The following RNF213 variants were observed in gnomAD, a reference collection of about 807,000 sequenced individuals.
RNF213 encodes ring finger protein 213, also known as E3 ubiquitin-protein ligase RNF213.
Under a neutral mutation model 514.4 loss-of-function variants are expected in RNF213, and 341 were observed. The ratio of observed to expected loss-of-function variants is 0.66; its 90% CI spans 0.61 to 0.73. RNF213 has a LOEUF of 0.73. Ranked by LOEUF, RNF213 falls within the 30% of genes least tolerant of loss-of-function variation. RNF213 has a pLI of 0.00. For synonymous variants in RNF213, 2,655 were observed against 2,658.2 expected, an observed-to-expected ratio of 1.00 and a Z score of 0.04; for missense variants, 5,767 against 6,615.6, an observed-to-expected ratio of 0.87 and a Z score of 4.45.
chr17:80,281,368 A>AAC (rs781083040), intron 3 of RNF213, among the ~76,000 whole-genome samples: 2 of 77,998 alleles, frequency 2.6e-5, no homozygotes, highest in Non-Finnish European at 5.0e-5. Flanking sequence ...CACACACCTC[A>AAC]ACACACACAC....
intron 9 of RNF213, 71 bp downstream of exon 9, chr17:80,295,074 A>T: frequency 6.3e-7 from 1 of 1,579,400 alleles, no homozygotes. Context: ...TGGCCGGATG[A>T]CCCCTTGACT....
At position 80,332,294 on chromosome 17, in the gene RNF213, T is replaced by G. The variant is rs1216234770; in HGVS notation, c.3806T>G (p.Leu1269Arg). Residue 1269 changes from leucine (L) to arginine (R), a missense_variant, in exon 21 of 68, where the codon CTT becomes CGT. Coordinates refer to ENST00000582970, the MANE Select transcript of RNF213 (RefSeq NM_001256071.3). ...GAAGAAGAATCAGAAAGGCACATCCTTGAGCTTGAAGAGGTGTATGACTAT... is the reference window on the plus strand; with the variant it reads ...GAAGAAGAATCAGAAAGGCACATCCGTGAGCTTGAAGAGGTGTATGACTAT... The part of the protein sequence containing the change: ...EPEEESERHI[L>R]ELEEVYDYLY... 12 of 1,537,096 alleles carry G rather than the reference T, an allele frequency of 7.8e-6. No individual in the cohort carries two copies. Among genetic ancestry groups the G allele is most frequent in the Non-Finnish European group, 1.0e-5 (12 of 1,146,924 alleles).
chr17:80,314,297 G>A (rs2045747624), intron 15 of RNF213, among the ~76,000 whole-genome samples: 2 of 92,388 alleles, frequency 2.2e-5, no homozygotes, highest in African/African-American at 5.2e-5. Context: ...AGGTGATGGT[G>A]GTGGACGTGA....
chr17:80,365,720 C>G lies in RNF213; in HGVS notation c.11871+1167C>G, dbSNP rs148136053. Among the ~76,000 whole-genome samples the G allele has an allele frequency of 5.3e-4, 80 of 152,322 alleles. 1 individual carries two copies. Among genetic ancestry groups the G allele is most frequent in the Middle Eastern group, 3.4e-3 (1 of 294 alleles). ...AAGGCGGAGAGAGGATAGTAGGACA[C>G]AGCCGGTGCCCCCCTTCCACCCTTT... On this transcript the variant is annotated intron_variant, in intron 42 of 67. Coordinates refer to ENST00000582970, the MANE Select transcript of RNF213 (RefSeq NM_001256071.3).
rs1386760507 is a variant in RNF213 at position 80,345,891 on chromosome 17, A to G, written c.7556A>G (p.His2519Arg). 1.2e-6 allele frequency: 2 copies of G among 1,614,204 alleles called. No homozygotes were observed. ...GQPLAEDSGL[H>R]IIAACNPYRK... ...CCTCTGGCTGAGGACTCTGGCCTGC[A>G]TATTATAGCTGCCTGCAATCCATAC... The change falls in exon 29 of 68, where the codon CAT becomes CGT. Residue 2519 changes from histidine (H) to arginine (R), a missense_variant. Physicochemically the swap from His to Arg is conservative, Grantham distance 29. Coordinates refer to ENST00000582970, the MANE Select transcript of RNF213 (RefSeq NM_001256071.3). The surrounding 1 kb of genome is among the most constrained non-coding windows in gnomAD (Gnocchi z 6.0).
Position 80,266,608 on chromosome 17 carries a change from GTTCC to G in RNF213, c.97+2832_97+2835del, listed in dbSNP as rs1312680132. ...CCTTTACCTCCCAGGTTCAAGTGATGTTCCTGCCTCAGCCTCCCAAGTAGCGGGG... is the reference window on the plus strand; with the variant it reads ...CCTTTACCTCCCAGGTTCAAGTGATGTGCCTCAGCCTCCCAAGTAGCGGGG... On this transcript the variant is annotated intron_variant, in intron 2 of 67. Transcript: ENST00000582970. Among the ~76,000 whole-genome samples, 5 of 152,048 alleles carry G rather than the reference GTTCC, an allele frequency of 3.3e-5. No homozygotes were observed. The East Asian group carries it at 9.8e-4, about 30-fold the overall frequency.
intron 6 of RNF213, 123 bp downstream of exon 6, chr17:80,289,960 A>C: frequency 9.1e-7 from 1 of 1,101,358 alleles, no homozygotes; most frequent in Non-Finnish European, 1.3e-6. Flanking sequence ...GGCAAGTTTA[A>C]CTTTGGGGGA....
At chr17:80,393,122 G>C (rs747471717) in intron 67 of RNF213, among the ~76,000 whole-genome samples, 2 of 151,516 alleles carry the variant, frequency 1.3e-5, no homozygotes, top group Non-Finnish European at 2.9e-5. Context: ...CGGACTATAG[G>C]CATACACCAC....
rs2144558163 is a variant in RNF213, at chr17:80,376,650, CTCAGTTCTCTGCCTTTGTG to C, written c.13428+111_13428+129del. On this transcript the variant is annotated intron_variant, in intron 52 of 67. Coordinates refer to ENST00000582970, the MANE Select transcript of RNF213 (RefSeq NM_001256071.3). ...GGGAACTCTTGAGCATCTTTATCTC[CTCAGTTCTCTGCCTTTGTG>C]TCACCTGATTCTTGAGCACACAAGA... 3 of 1,472,888 alleles carry C rather than the reference CTCAGTTCTCTGCCTTTGTG, an allele frequency of 2.0e-6. No homozygotes were observed. The East Asian group carries it at 7.1e-5, about 35-fold the overall frequency. 91.2% of individuals were successfully genotyped at this position (1,472,888 alleles called of 1,614,324 possible). A position where few individuals can be genotyped will look rare whatever the true frequency, so the allele number is the denominator to read the frequency against.
At chr17:80,319,163 G>A (rs746195087) in intron 16 of RNF213, 27 bp from the exon 17 acceptor site, 1 of 1,614,106 alleles carries the variant, frequency 6.2e-7, no homozygotes, top group South Asian at 1.1e-5. Context: ...CGAAAGCTCT[G>A]AAACCACCCC....
chr17:80,377,237 A>C lies in RNF213; in HGVS notation c.13510+274A>C. 3 of 488,850 alleles carry C rather than the reference A, an allele frequency of 6.1e-6. No homozygotes were observed. The highest frequency in any genetic ancestry group is 1.1e-5 in the Non-Finnish European group (3 of 267,538). 30.3% of individuals were successfully genotyped at this position (488,850 alleles called of 1,614,324 possible). On this transcript the variant is annotated intron_variant, in intron 53 of 67. Transcript: ENST00000582970. The surrounding 1 kb of genome is among the most constrained non-coding windows in gnomAD (Gnocchi z 4.1). Reference sequence around the variant, plus strand: ...CTCTGGAATATGCCATTTTGGGAGAAGGGAGGGACTGGGAACCACATCAGA... The same window carrying C: ...CTCTGGAATATGCCATTTTGGGAGACGGGAGGGACTGGGAACCACATCAGA...
At position 80,346,255 on chromosome 17, in the gene RNF213, C is replaced by G; in HGVS notation, c.7920C>G (p.Asp2640Glu). 3 of 1,614,118 alleles carry G rather than the reference C, an allele frequency of 1.9e-6. No individual in the cohort carries two copies. Among genetic ancestry groups the G allele is most frequent in the Non-Finnish European group, 2.5e-6 (3 of 1,180,022 alleles). The change falls in exon 29 of 68, where the codon GAC becomes GAG. Residue 2640 changes from aspartate to glutamate, a missense_variant. Around this residue, in one of 13 missense-constraint regions of RNF213, gnomAD observed 1,377 missense variants for 1,635.2 expected, o/e 0.84. Coordinates refer to ENST00000582970, the MANE Select transcript of RNF213 (RefSeq NM_001256071.3). This position sits in a 1 kb window ranked among gnomAD's most constrained non-coding sequence, Gnocchi z 8.1. ...AGTGCAGCTTTGTCAGCCTCAGGGACGTGGAGCGCTGTGTGAAAGTTTTCA... is the reference window on the plus strand; with the variant it reads ...AGTGCAGCTTTGTCAGCCTCAGGGAGGTGGAGCGCTGTGTGAAAGTTTTCA... ...EDECSFVSLR[D>E]VERCVKVFRW...
chr17:80,332,927 T>TA (rs1383630292), intron 21 of RNF213, among the ~76,000 whole-genome samples: 1 of 152,160 alleles, frequency 6.6e-6, no homozygotes, highest in African/African-American at 2.4e-5. Context: ...TAAAGGGTCA[T>TA]AGGCTCTCTC....
chr17:80,337,563 G>A (rs2078023796), intron 23 of RNF213, 23 bp from the exon 24 acceptor site: 1 of 1,536,550 alleles, frequency 6.5e-7, no homozygotes, highest in Non-Finnish European at 8.7e-7. Flanking sequence ...CGTGGCCCGT[G>A]TTCTCTCCTT....
chr17:80,380,416 G>A (rs530163427), intron 55 of RNF213, among the ~76,000 whole-genome samples: 27 of 152,102 alleles, frequency 1.8e-4, no homozygotes, highest in Non-Finnish European at 3.4e-4. Flanking sequence ...CCTCTCTGCC[G>A]GACTTTAGAT....
chr17:80,347,380 G>A lies in RNF213; in HGVS notation c.9045G>A (p.Met3015Ile), dbSNP rs1373075897. 6.2e-7 allele frequency: 1 copy of A among 1,613,828 alleles called. No homozygotes were observed. Among genetic ancestry groups the A allele is most frequent in the African/African-American group, 1.3e-5 (1 of 74,934 alleles). Residue 3015 changes from methionine (M) to isoleucine (I), a missense_variant, in exon 29 of 68, where the codon ATG (methionine) becomes ATA (isoleucine). Physicochemically the swap from Met to Ile is conservative, Grantham distance 10 (BLOSUM62 1). This residue lies in a region of RNF213 where 919 missense variants were observed against 1,121.0 expected (regional missense o/e 0.82). Transcript: ENST00000582970. This position sits in a 1 kb window ranked among gnomAD's most constrained non-coding sequence, Gnocchi z 7.2. ...AGTGCTCAGAGGAAGTCAGCCCCAT[G>A]CAGCTGATCAAACAGAACATCTTTG... is the stretch of plus-strand genomic sequence containing the variant. ...EAKCSEEVSP[M>I]QLIKQNIFGP...
rs1464004910 is a variant in RNF213, at chr17:80,369,879, A to G, written c.12425+12A>G. On this transcript the variant is annotated intron_variant, in intron 46 of 67. Transcript: ENST00000582970. ...CTTTTGAAGTACAGGTAAGAACAAC[A>G]TGGAGACTTGCTTCTGGAAAGCCCT... The G allele has an allele frequency of 1.3e-6, 2 of 1,557,664 alleles. No individual in the cohort carries two copies. Among genetic ancestry groups the G allele is most frequent in the African/African-American group, 1.4e-5 (1 of 73,844 alleles).
At position 80,278,742 on chromosome 17, in the gene RNF213, G is replaced by C. The variant is rs965814357; in HGVS notation, c.261+5338G>C. ...TGGGGTGCACAGCCCTGCCCTGTCT[G>C]AAGGGGGTCGTGTTTCAACAGGGAG... On this transcript the variant is annotated intron_variant, in intron 3 of 67. Transcript: ENST00000582970. 3.9e-6 allele frequency: 6 copies of C among 1,536,922 alleles called. No individual in the cohort carries two copies. The African/African-American group carries it at 8.2e-5, about 21-fold the overall frequency.
Position 80,325,059 on chromosome 17 carries a change from T to C in RNF213, c.3054T>C (p.Ser1018=). 6.5e-7 allele frequency: 1 copy of C among 1,537,238 alleles called. No homozygotes were observed. Among genetic ancestry groups the C allele is most frequent in the Non-Finnish European group, 8.7e-7 (1 of 1,146,896 alleles). ...QSQTSILQGF[S]YSDLRKFGIV... is the part of the protein sequence containing the mutation. ...AGACCAGTATCCTTCAGGGGTTCTCTTACTCTGATTTGCGGAAATTTGGCA... is the reference window on the plus strand; with the variant it reads ...AGACCAGTATCCTTCAGGGGTTCTCCTACTCTGATTTGCGGAAATTTGGCA... The change falls in exon 18 of 68, where the codon TCT becomes TCC. Residue 1018 remains serine, a synonymous_variant. Transcript: ENST00000582970.
Sources: gnomAD v4.1 joint callset for allele counts (sites outside exome capture counted in the v4.1 genomes callset) on GRCh38, gnomAD v4.1.1 for gene constraint, gnomAD v4.1.1 regional missense constraint, Gnocchi (gnomAD v3.1) non-coding constraint, MANE v1.5 for transcripts, NCBI Gene and HGNC (gene_info 2026-07-23, HGNC 2026-07-21) for gene names.